Variants in SOD1 observed in about 807,000 individuals in gnomAD.
SOD1 encodes the protein superoxide dismutase 1, also known as superoxide dismutase [Cu-Zn].
A neutral mutation model predicts 15.9 loss-of-function variants in SOD1; 8 were observed. The observed-to-expected ratio is 0.50, with a 90% CI of 0.30 to 0.91. The LOEUF (loss-of-function observed/expected upper bound fraction) is 0.91. Ranked by LOEUF, SOD1 falls within the 40% of genes least tolerant of loss-of-function variation. SOD1 has a pLI of 0.07. For synonymous variants in SOD1, 86 were observed against 71.2 expected (o/e 1.21, Z -1.04); for missense variants, 137 against 194.5 (o/e 0.70, Z 1.76).
intron 2 of SOD1, among the ~76,000 whole-genome samples, chr21:31,666,034 C>A (rs8133032): frequency 0.14 from 19,728 of 145,478 alleles, 1,984 homozygotes; most frequent in East Asian, 0.52. Context: ...TGCAGTGGTG[C>A]GATCTCAGCT....
At chr21:31,667,121 T>G in intron 3 of SOD1, 137 bp from the exon 4 acceptor site, 1 of 705,584 alleles carries the variant, frequency 1.4e-6, no homozygotes, top group Admixed American at 2.0e-5. Context: ...AAGCCTTGTT[T>G]GAAGAGCTGT....
At chr21:31,664,284 T>A (rs993804843) in intron 2 of SOD1, 8 of 273,116 alleles carry the variant, frequency 2.9e-5, no homozygotes, top group African/African-American at 1.5e-4. Flanking sequence ...AACCCTCAAC[T>A]TTTCTTTTAA....
chr21:31,660,833 A>G (rs1483748993), intron 1 of SOD1: 4 of 152,240 alleles, frequency 2.6e-5, no homozygotes, highest in African/African-American at 4.8e-5. Context: ...TGGAGTTTCC[A>G]TTACACCGAA....
intron 1 of SOD1, chr21:31,661,405 C>A (rs1353354656): frequency 6.6e-6 from 1 of 152,366 alleles, no homozygotes; most frequent in African/African-American, 2.4e-5. Flanking sequence ...GCTCTGTCGC[C>A]CAGGCTGGAG....
At chr21:31,667,046 C>T in intron 3 of SOD1, 1 of 605,626 alleles carries the variant, frequency 1.7e-6, no homozygotes, top group Non-Finnish European at 3.0e-6. Flanking sequence ...AGAGTTTACC[C>T]TTTGGTACTT....
rs1334434548 is a variant in SOD1, at chr21:31,659,846, G to A, written c.72+5G>A. On this transcript the variant is annotated splice_donor_5th_base_variant and intron_variant, in intron 1 of 4. Coordinates refer to ENST00000270142, the MANE Select transcript of SOD1 (RefSeq NM_000454.5). ...ATCATCAATTTCGAGCAGAAGGCAA[G>A]GGCTGGGACGGAGGCTTGTTTGCGA... is the stretch of plus-strand genomic sequence containing the variant. 2 of 1,612,880 alleles carry A rather than the reference G, an allele frequency of 1.2e-6. No individual in the cohort carries two copies. The highest frequency in any genetic ancestry group is 1.7e-6 in the Non-Finnish European group (2 of 1,179,586).
intron 2 of SOD1, 55 bp from the exon 3 acceptor site, chr21:31,666,394 G>A: frequency 7.5e-7 from 1 of 1,335,472 alleles, no homozygotes; most frequent in Non-Finnish European, 1.1e-6. Context: ...TTTTTAGAAT[G>A]TATTTGGGAA....
At chr21:31,667,943 C>G (rs1288798642) in intron 4 of SOD1, among the ~76,000 whole-genome samples, 2 of 152,014 alleles carry the variant, frequency 1.3e-5, no homozygotes, top group African/African-American at 4.8e-5. Flanking sequence ...TATGGTTTTT[C>G]TTGAGCCATA....
At chr21:31,667,426 T>G (rs1461253093) in intron 4 of SOD1, 51 bp downstream of exon 4, 2 of 1,240,032 alleles carry the variant, frequency 1.6e-6, no homozygotes, top group African/African-American at 1.5e-5. Context: ...CATACAGTCA[T>G]GTATCTTTTC....
chr21:31,662,838 C>T (rs1280061471), intron 1 of SOD1, among the ~76,000 whole-genome samples: 2 of 151,976 alleles, frequency 1.3e-5, no homozygotes, highest in African/African-American at 4.8e-5. Context: ...CACGGTGAAA[C>T]CCCGTCTCTA....
chr21:31,662,815 C>T (rs1012307518), intron 1 of SOD1, among the ~76,000 whole-genome samples: 1 of 152,078 alleles, frequency 6.6e-6, no homozygotes, highest in African/African-American at 2.4e-5. Context: ...CAGATGGAGA[C>T]CATCCTGGCT....
intron 2 of SOD1, chr21:31,664,311 A>G: frequency 3.5e-6 from 1 of 282,402 alleles, no homozygotes; most frequent in Non-Finnish European, 7.0e-6. Context: ...GGTCAACTTT[A>G]TTGTATATAA....
chr21:31,666,572 T>C (rs1338058234), intron 3 of SOD1, 54 bp downstream of exon 3: 2 of 1,247,132 alleles, frequency 1.6e-6, no homozygotes, highest in Non-Finnish European at 2.4e-6. Flanking sequence ...GGAGTTCATA[T>C]GGTATACTAC....
chr21:31,660,127 C>T (rs999707073), intron 1 of SOD1: 1 of 161,728 alleles, frequency 6.2e-6, no homozygotes, highest in Non-Finnish European at 1.3e-5. Flanking sequence ...CGGGGAGGGG[C>T]GGGGGCGGGC....
chr21:31,665,673 C>T (rs1217288094), intron 2 of SOD1, among the ~76,000 whole-genome samples: 2 of 152,182 alleles, frequency 1.3e-5, no homozygotes, highest in East Asian at 1.9e-4. Context: ...GTTGGAATGC[C>T]GCCCCCTCGA....
intron 1 of SOD1, among the ~76,000 whole-genome samples, chr21:31,662,035 C>T (rs1191627250): frequency 2.0e-5 from 3 of 152,174 alleles, no homozygotes; most frequent in African/African-American, 7.2e-5. Context: ...TAGCCCAGGA[C>T]AGTACTGCTG....
chr21:31,664,138 A>AT (rs2049573008), intron 2 of SOD1, among the ~76,000 whole-genome samples: 1 of 151,722 alleles, frequency 6.6e-6, no homozygotes, highest in Admixed American at 6.6e-5. Context: ...CGCCTGGCTA[A>AT]TTTTTGTATT....
chr21:31,666,297 T>G, intron 2 of SOD1, 152 bp from the exon 3 acceptor site: 1 of 664,098 alleles, frequency 1.5e-6, no homozygotes, highest in Non-Finnish European at 2.7e-6. Flanking sequence ...TGTTCCCTTC[T>G]CACTGTGGCT....
Position 31,659,693 on chromosome 21 carries a change from G to A in SOD1, c.-77G>A. 1 of 1,473,086 alleles carries A rather than the reference G, an allele frequency of 6.8e-7. No individual in the cohort carries two copies. Among genetic ancestry groups the A allele is most frequent in the East Asian group, 2.3e-5 (1 of 44,124 alleles). The allele number at this position is 1,473,086 out of a possible 1,614,324, so 91.3% of individuals were successfully genotyped here. A position where few individuals can be genotyped will look rare whatever the true frequency, so the allele number is the denominator to read the frequency against. On this transcript the variant is annotated 5_prime_UTR_variant, in exon 1 of 5. Coordinates refer to ENST00000270142, the MANE Select transcript of SOD1 (RefSeq NM_000454.5). Reference sequence around the variant, plus strand: ...AGTCGCGGAGACGGGGTGCTGGTTTGCGTCGTAGTCTCCTGCAGCGTCTGG... The same window carrying A: ...AGTCGCGGAGACGGGGTGCTGGTTTACGTCGTAGTCTCCTGCAGCGTCTGG...
Sources: allele counts gnomAD v4.1 joint callset (sites outside exome capture counted in the v4.1 genomes callset), GRCh38; gene constraint gnomAD v4.1.1; transcripts MANE v1.5; gene names NCBI Gene and HGNC (gene_info 2026-07-23, HGNC 2026-07-21).